MDN1: variants seen among roughly 807,000 people sequenced by gnomAD.
The protein encoded by MDN1 is midasin AAA ATPase 1.
MDN1 carries 266 observed loss-of-function variants against 669.2 expected under a neutral mutation model. That is an observed-to-expected ratio of 0.40 (90% CI 0.36 to 0.44). The LOEUF (loss-of-function observed/expected upper bound fraction) is 0.44, where lower values mean the gene tolerates loss of function less well. MDN1 is among the 20% of genes least tolerant of loss of function. MDN1 has a pLI of 1.00. For missense variants in MDN1, 5,940 were observed against 6,754.0 expected (o/e 0.88, Z 4.22); for synonymous variants, 2,385 against 2,457.1 (o/e 0.97, Z 0.87).
chr6:89,708,645 A>G lies in MDN1; in HGVS notation c.7766-17T>C. On this transcript the variant is annotated splice_polypyrimidine_tract_variant and intron_variant, in intron 50 of 101. Coordinates refer to ENST00000369393, the MANE Select transcript of MDN1 (RefSeq NM_014611.3). ...CAAATTCATCTAGTTTAAAAACAGA[A>G]CAAAACAAAAATCAGAAATATTGGA... is the stretch of plus-strand genomic sequence containing the variant. The G allele has an allele frequency of 6.2e-7, 1 of 1,606,076 alleles. No individual in the cohort carries two copies.
At chr6:89,724,470 A>T in intron 38 of MDN1, among the ~76,000 whole-genome samples, 1 of 152,098 alleles carries the variant, frequency 6.6e-6, no homozygotes, top group South Asian at 2.1e-4. Flanking sequence ...TTTAATAGAG[A>T]CGGGGTTTCG....
chr6:89,809,370 C>T (rs1272219464), intron 1 of MDN1, among the ~76,000 whole-genome samples: 1 of 152,038 alleles, frequency 6.6e-6, no homozygotes, highest in African/African-American at 2.4e-5. Context: ...GTGGTTCACA[C>T]CTGTAATCTC....
chr6:89,747,421 G>T lies in MDN1; in HGVS notation c.3812C>A (p.Thr1271Asn), dbSNP rs201190097. 3.7e-6 allele frequency: 6 copies of T among 1,614,024 alleles called. No individual in the cohort carries two copies. The Admixed American group carries it at 8.3e-5, about 22-fold the overall frequency. The change falls in exon 27 of 102, where the codon ACC becomes AAC. Residue 1271 changes from threonine to asparagine, a missense_variant. Thr to Asn is a moderately conservative substitution (Grantham distance 65). Transcript: ENST00000369393. ...AGCCCATCGGAACAGATCACGAAGGGTGATGAAGCCCTGCTTTCCAGCAAA... is the reference window on the plus strand; with the variant it reads ...AGCCCATCGGAACAGATCACGAAGGTTGATGAAGCCCTGCTTTCCAGCAAA... ...SVFAGKQGFI[T>N]LRDLFRWAER...
intron 9 of MDN1, among the ~76,000 whole-genome samples, chr6:89,783,169 T>C (rs1290167588): frequency 6.6e-6 from 1 of 152,180 alleles, no homozygotes. Context: ...ATATTTTTCT[T>C]CTTGCAGAGA....
chr6:89,661,636 G>A, intron 87 of MDN1, 58 bp from the exon 88 acceptor site: 1 of 1,489,420 alleles, frequency 6.7e-7, no homozygotes, highest in East Asian at 2.5e-5. Flanking sequence ...TTTTTAAAAA[G>A]TAGAATTCCC....
In MDN1 at chr6:89,803,266, C is replaced by G. The variant is rs867953218; in HGVS notation, c.329+62G>C. On this transcript the variant is annotated intron_variant, in intron 2 of 101. Transcript: ENST00000369393. Reference sequence around the variant, plus strand: ...CTTCTCAGCTCAGACTCCCTTACATCCCAGGAGACAGCAGGTTCTATCACC... The same window carrying G: ...CTTCTCAGCTCAGACTCCCTTACATGCCAGGAGACAGCAGGTTCTATCACC... The G allele has an allele frequency of 2.1e-6, 3 of 1,406,922 alleles. No homozygotes were observed. The Middle Eastern group carries it at 5.3e-4, about 248-fold the overall frequency. The allele number at this position is 1,406,922 out of a possible 1,614,324, so 87.2% of individuals were successfully genotyped here.
In MDN1 at chr6:89,716,823, G is replaced by A; in HGVS notation, c.6584-14C>T. 2 of 1,592,082 alleles carry A rather than the reference G, an allele frequency of 1.3e-6. No individual in the cohort carries two copies. Among genetic ancestry groups the A allele is most frequent in the Non-Finnish European group, 1.7e-6 (2 of 1,169,928 alleles). ...GTTTGGCAAACTCTGAAATGTCACA[G>A]GGAAGAATCACCATCCACAGCACTT... On this transcript the variant is annotated splice_polypyrimidine_tract_variant and intron_variant, in intron 43 of 101. Coordinates refer to ENST00000369393, the MANE Select transcript of MDN1 (RefSeq NM_014611.3).
At chr6:89,767,475 G>A (rs1253654974) in intron 15 of MDN1, among the ~76,000 whole-genome samples, 1 of 152,090 alleles carries the variant, frequency 6.6e-6, no homozygotes, top group Admixed American at 6.6e-5. Flanking sequence ...ATCAATCTAG[G>A]GCAGGGCACA....
At chr6:89,710,336 T>G (rs1311416398) in intron 50 of MDN1, among the ~76,000 whole-genome samples, 1 of 152,074 alleles carries the variant, frequency 6.6e-6, no homozygotes. Context: ...TTTTACTCCA[T>G]GGCATATCAT....
chr6:89,694,418 G>A (rs1387298185), intron 61 of MDN1, among the ~76,000 whole-genome samples: 1 of 152,148 alleles, frequency 6.6e-6, no homozygotes, highest in Admixed American at 6.6e-5. Context: ...TAGGAGCTTA[G>A]CCTTCACTCC....
Position 89,662,141 on chromosome 6 carries a change from T to C in MDN1, c.14511A>G (p.Ala4837=). 6.2e-7 allele frequency: 1 copy of C among 1,614,110 alleles called. No homozygotes were observed. The highest frequency in any genetic ancestry group is 8.5e-7 in the Non-Finnish European group (1 of 1,180,020). ...QQDKKEEKEE[A]EADDGGQGED... is the part of the protein sequence containing the mutation. ...CACCTTGTCCACCATCATCAGCTTC[T>C]GCTTCTTCCTTTTCTTCCTTCTTAT... The change falls in exon 87 of 102, where the codon GCA becomes GCG. Residue 4837 remains alanine, a synonymous_variant. Transcript: ENST00000369393.
At chr6:89,682,347 G>T (rs946229234) in intron 73 of MDN1, among the ~76,000 whole-genome samples, 1 of 152,184 alleles carries the variant, frequency 6.6e-6, no homozygotes, top group Non-Finnish European at 1.5e-5. Context: ...AAGCAGCAAG[G>T]CCAAGTGCGA....
intron 79 of MDN1, 99 bp downstream of exon 79, chr6:89,674,005 C>T (rs535540722): frequency 1.6e-6 from 2 of 1,228,048 alleles, no homozygotes; most frequent in Admixed American, 2.3e-5. Flanking sequence ...CTAAAAGCTG[C>T]TGCTTTCTGT....
intron 53 of MDN1, among the ~76,000 whole-genome samples, chr6:89,702,402 G>A (rs910919686): frequency 5.9e-5 from 9 of 152,200 alleles, no homozygotes; most frequent in African/African-American, 1.4e-4. Context: ...TTTGTACTCC[G>A]ACCAGAAGTG....
intron 19 of MDN1, among the ~76,000 whole-genome samples, chr6:89,757,983 G>C (rs1389263142): frequency 6.6e-6 from 1 of 152,196 alleles, no homozygotes; most frequent in Admixed American, 6.5e-5. Context: ...AGGAGGTGGA[G>C]GTTGTGGTGA....
intron 49 of MDN1, 132 bp downstream of exon 49, chr6:89,711,904 A>G (rs1813956551): frequency 1.3e-6 from 1 of 792,828 alleles, no homozygotes; most frequent in Non-Finnish European, 2.0e-6. Flanking sequence ...CTAGACCACA[A>G]ATTTCTTCCT....
intron 35 of MDN1, 117 bp from the exon 36 acceptor site, chr6:89,729,256 T>C: frequency 1.3e-6 from 1 of 766,186 alleles, no homozygotes; most frequent in Non-Finnish European, 2.1e-6. Flanking sequence ...AAATACCATT[T>C]GCAGTGAAAA....
Position 89,729,107 on chromosome 6 carries a change from A to G in MDN1, c.5173T>C (p.Tyr1725His). 1.2e-6 allele frequency: 2 copies of G among 1,613,686 alleles called. No individual in the cohort carries two copies. The highest frequency in any genetic ancestry group is 2.2e-5 in the South Asian group (2 of 91,070). ...GCAGTGGTCCCTGCACTGAGTGCAT[A>G]GTCTGCAATATTATTCCTGTGTAGG... ...PVLHRNNIAD[Y>H]ALSAGTTAMN... The change falls in exon 36 of 102, where the codon TAT becomes CAT. Residue 1725 changes from tyrosine to histidine, a missense_variant. Tyr to His is a moderately conservative substitution (Grantham distance 83). Transcript: ENST00000369393.
rs576336392 is a variant in MDN1 at position 89,752,072 on chromosome 6, T to C, written c.3076-490A>G. Among the ~76,000 whole-genome samples the C allele has an allele frequency of 3.6e-4, 55 of 152,298 alleles. 1 individual carries two copies. Among genetic ancestry groups the C allele is most frequent in the African/African-American group, 1.3e-3 (55 of 41,570 alleles). ...ATGATGGCATCACTTTGCTGAGATATGGTTTAAGTTATTAGTTTCGATTAT... is the reference window on the plus strand; with the variant it reads ...ATGATGGCATCACTTTGCTGAGATACGGTTTAAGTTATTAGTTTCGATTAT... On this transcript the variant is annotated intron_variant, in intron 22 of 101. Coordinates refer to ENST00000369393, the MANE Select transcript of MDN1 (RefSeq NM_014611.3).
Sources: allele counts gnomAD v4.1 joint callset (sites outside exome capture counted in the v4.1 genomes callset), GRCh38; gene constraint gnomAD v4.1.1; transcripts MANE v1.5; gene names NCBI Gene and HGNC (gene_info 2026-07-23, HGNC 2026-07-21).